Variants in GALNT17 observed in about 807,000 individuals in gnomAD.
GALNT17 encodes polypeptide N-acetylgalactosaminyltransferase 17, also known as UDP-GalNAc:polypeptide N-acetylgalactosaminyltransferase-like 3.
GALNT17 carries 29 observed loss-of-function variants against 63.7 expected under a neutral mutation model. That is an observed-to-expected ratio of 0.46 (90% CI 0.34 to 0.62). GALNT17 has a LOEUF of 0.62. Among genes scored for constraint, GALNT17 ranks in the 20% least tolerant of loss-of-function variants. The probability of loss-of-function intolerance (pLI) is 0.01; values close to 1 mark genes in which losing one functional copy is unlikely to be tolerated. For synonymous variants in GALNT17, 305 were observed against 318.3 expected, an observed-to-expected ratio of 0.96 and a Z score of 0.45; for missense variants, 603 against 799.6, an observed-to-expected ratio of 0.75 and a Z score of 2.97.
chr7:71,668,917 G>A (rs995497), intron 7 of GALNT17, among the ~76,000 whole-genome samples: 47,024 of 152,114 alleles, frequency 0.31, 9,220 homozygotes, highest in Middle Eastern at 0.45. Context: ...TTCGCAAAGA[G>A]CCAACAAAAG....
chr7:71,684,813 A>C (rs917574096), intron 9 of GALNT17, among the ~76,000 whole-genome samples: 2 of 151,862 alleles, frequency 1.3e-5, no homozygotes, highest in African/African-American at 4.8e-5. Flanking sequence ...CTGGTTATGA[A>C]CCACCACACC....
rs890543463 is a variant in GALNT17 at position 71,311,623 on chromosome 7, G to C, written c.239-23927G>C. Among the ~76,000 whole-genome samples the C allele has an allele frequency of 2.0e-4, 30 of 152,320 alleles. 1 individual carries two copies. The Middle Eastern group carries it at 0.01, about 52-fold the overall frequency. On this transcript the variant is annotated intron_variant, in intron 1 of 10. Coordinates refer to ENST00000333538, the MANE Select transcript of GALNT17 (RefSeq NM_022479.3). ...CTTCTCTCTTCTCAATCCAGGATGA[G>C]ATGAGCAGCGCAGCATCTCAGTGAA...
intron 6 of GALNT17, among the ~76,000 whole-genome samples, chr7:71,629,194 T>C (rs1007013007): frequency 1.3e-5 from 2 of 151,764 alleles, no homozygotes; most frequent in African/African-American, 4.8e-5. Flanking sequence ...CAGTGGCAAG[T>C]TAGGGTTCTA....
At chr7:71,442,633 CAG>C (rs1432067150) in intron 5 of GALNT17, among the ~76,000 whole-genome samples, 1 of 152,188 alleles carries the variant, frequency 6.6e-6, no homozygotes, top group Admixed American at 6.5e-5. Flanking sequence ...ACCAGGCACG[CAG>C]AGAGTCAGGG....
intron 2 of GALNT17, among the ~76,000 whole-genome samples, chr7:71,380,150 G>T (rs1376799982): frequency 6.6e-6 from 1 of 152,058 alleles, no homozygotes; most frequent in Non-Finnish European, 1.5e-5. Flanking sequence ...ACGTAGAGTA[G>T]ATGTCACTGG....
intron 1 of GALNT17, among the ~76,000 whole-genome samples, chr7:71,170,915 T>C (rs1022385555): frequency 1.1e-4 from 8 of 74,088 alleles, no homozygotes; most frequent in Admixed American, 5.7e-4. Context: ...TGTTTAGTTC[T>C]TTTTTTTCCC....
intron 2 of GALNT17, among the ~76,000 whole-genome samples, chr7:71,336,393 G>T (rs565591012): frequency 6.6e-6 from 1 of 152,154 alleles, no homozygotes; most frequent in Non-Finnish European, 1.5e-5. Flanking sequence ...ACATGTGTAG[G>T]TTTGTTATAT....
rs1356262312 is a variant in GALNT17 at position 71,444,004 on chromosome 7, G to A, written c.962+22899G>A. Among the ~76,000 whole-genome samples, 2 of 152,218 alleles carry A rather than the reference G, an allele frequency of 1.3e-5. 1 individual carries two copies. Among genetic ancestry groups the A allele is most frequent in the East Asian group, 3.9e-4 (2 of 5,168 alleles). ...GGCCTCCCAAAGTGCTGGAATTACA[G>A]GTGTGAGGCACCCCGCTCGGCCTGA... On this transcript the variant is annotated intron_variant, in intron 5 of 10. Coordinates refer to ENST00000333538, the MANE Select transcript of GALNT17 (RefSeq NM_022479.3).
At chr7:71,699,462 T>A (rs1360080157) in intron 9 of GALNT17, among the ~76,000 whole-genome samples, 4 of 132,538 alleles carry the variant, frequency 3.0e-5, no homozygotes, top group Admixed American at 2.5e-4. Flanking sequence ...GGTGACAGAG[T>A]GAGACTCTGT....
At chr7:71,622,858 C>G (rs1790316677) in intron 6 of GALNT17, among the ~76,000 whole-genome samples, 1 of 152,202 alleles carries the variant, frequency 6.6e-6, no homozygotes, top group Non-Finnish European at 1.5e-5. Flanking sequence ...ATGTCTCTTA[C>G]AAAACCCTGT....
At chr7:71,273,849 G>A (rs1262645196) in intron 1 of GALNT17, among the ~76,000 whole-genome samples, 1 of 151,908 alleles carries the variant, frequency 6.6e-6, no homozygotes, top group African/African-American at 2.4e-5. Context: ...ATGTGTGTGT[G>A]TGTGTGAGAG....
intron 2 of GALNT17, among the ~76,000 whole-genome samples, chr7:71,363,855 C>G (rs552963204): frequency 6.6e-6 from 1 of 152,282 alleles, no homozygotes; most frequent in East Asian, 1.9e-4. Flanking sequence ...ACAGTTTGAA[C>G]AGTTGGCCAC....
chr7:71,319,878 C>T (rs1791573076), intron 1 of GALNT17, among the ~76,000 whole-genome samples: 2 of 152,274 alleles, frequency 1.3e-5, no homozygotes, highest in South Asian at 2.1e-4. Context: ...TTGGATCTTA[C>T]TGTTTCATGT....
At position 71,297,098 on chromosome 7, in the gene GALNT17, T is replaced by G. The variant is rs140155019; in HGVS notation, c.239-38452T>G. On this transcript the variant is annotated intron_variant, in intron 1 of 10. Transcript: ENST00000333538. ...ACCTCATTGCCTGCTCTTCCATCAC[T>G]TTCGCCAGATGGAATAAGCAAGAAA... 5.7e-3 allele frequency among the ~76,000 whole-genome samples: 863 copies of G among 152,334 alleles called. 5 individuals carry two copies. The highest frequency in any genetic ancestry group is 0.02 in the African/African-American group (821 of 41,578).
intron 1 of GALNT17, among the ~76,000 whole-genome samples, chr7:71,171,414 T>A (rs1788545011): frequency 6.6e-6 from 1 of 152,170 alleles, no homozygotes; most frequent in South Asian, 2.1e-4. Context: ...GGCGGGAAGA[T>A]GGCTTGAGCC....
chr7:71,587,348 G>T (rs1289742421), intron 6 of GALNT17, among the ~76,000 whole-genome samples: 1 of 152,102 alleles, frequency 6.6e-6, no homozygotes, highest in East Asian at 1.9e-4. Context: ...CCTTTGAAGG[G>T]GGGTACTTCA....
intron 1 of GALNT17, among the ~76,000 whole-genome samples, chr7:71,287,210 C>A (rs1292732426): frequency 1.3e-5 from 2 of 152,152 alleles, no homozygotes; most frequent in Non-Finnish European, 2.9e-5. Flanking sequence ...TCACCCCAGC[C>A]TCTTGAGTAG....
At chr7:71,626,240 CAA>C (rs35227157) in intron 6 of GALNT17, among the ~76,000 whole-genome samples, 5 of 136,626 alleles carry the variant, frequency 3.7e-5, no homozygotes, top group African/African-American at 5.6e-5. Flanking sequence ...AAGATTCTGT[CAA>C]AAAAAAAAAA....
rs753805954 is a variant in GALNT17 at position 71,136,674 on chromosome 7, G to A, written c.238+3634G>A. 2.7e-4 allele frequency among the ~76,000 whole-genome samples: 41 copies of A among 151,968 alleles called. 1 individual carries two copies. Among genetic ancestry groups the A allele is most frequent in the Non-Finnish European group, 8.8e-5 (6 of 68,010 alleles). ...TAATTTTTGTGTTTTTAGTAGAGAC[G>A]GGTTTTCGCCATGTTGGTCAGGCTG... On this transcript the variant is annotated intron_variant, in intron 1 of 10. Coordinates refer to ENST00000333538, the MANE Select transcript of GALNT17 (RefSeq NM_022479.3).
Sources: allele counts gnomAD v4.1 joint callset (sites outside exome capture counted in the v4.1 genomes callset), GRCh38; gene constraint gnomAD v4.1.1; transcripts MANE v1.5; gene names NCBI Gene and HGNC (gene_info 2026-07-23, HGNC 2026-07-21).